GALNTL6: variants seen among roughly 807,000 people sequenced by gnomAD.
GALNTL6 encodes polypeptide N-acetylgalactosaminyltransferase like 6.
GALNTL6 carries 46 observed loss-of-function variants against 73.7 expected under a neutral mutation model. That is an observed-to-expected ratio of 0.62 (90% confidence interval 0.49 to 0.80). GALNTL6 has a LOEUF of 0.80. Among genes scored for constraint, GALNTL6 ranks in the 30% least tolerant of loss-of-function variants. The pLI is 0.00. For synonymous variants in GALNTL6, 259 were observed against 263.7 expected (o/e 0.98, Z 0.17); for missense variants, 604 against 755.0 (o/e 0.80, Z 2.34).
chr4:171,903,469 C>T (rs987376697), intron 2 of GALNTL6, among the ~76,000 whole-genome samples: 1 of 152,166 alleles, frequency 6.6e-6, no homozygotes, highest in African/African-American at 2.4e-5. Flanking sequence ...GAGATTAAAT[C>T]CCTCACGTGG....
intron 4 of GALNTL6, among the ~76,000 whole-genome samples, chr4:172,322,093 G>A (rs944303072): frequency 1.1e-4 from 16 of 152,070 alleles, no homozygotes; most frequent in Admixed American, 6.6e-4. Context: ...CACACTGCAC[G>A]CAGACAGCCC....
intron 5 of GALNTL6, among the ~76,000 whole-genome samples, chr4:172,621,774 T>C (rs183181088): frequency 2.2e-4 from 33 of 152,340 alleles, no homozygotes; most frequent in Admixed American, 1.5e-3. Flanking sequence ...CACAATAGCC[T>C]TGATATGCAA....
rs142279143 is a variant in GALNTL6 at position 172,240,454 on chromosome 4, A to G, written c.247+10690A>G. On this transcript the variant is annotated intron_variant, in intron 3 of 12. Transcript: ENST00000506823. ...CACCATGTTAGCCAGGGTGGTCTCC[A>G]TCTCCTGACCTCGTGATCCACCCAC... is the stretch of plus-strand genomic sequence containing the variant. 1.6e-4 allele frequency among the ~76,000 whole-genome samples: 24 copies of G among 151,782 alleles called. No individual in the cohort carries two copies. In the East Asian group the frequency reaches 4.7e-3, roughly 30 times the overall value.
At chr4:172,807,275 A>G (rs1167494524) in intron 5 of GALNTL6, among the ~76,000 whole-genome samples, 2 of 152,190 alleles carry the variant, frequency 1.3e-5, no homozygotes, top group African/African-American at 2.4e-5. Context: ...TTATATACTC[A>G]TATTTGTTAG....
At chr4:172,765,883 C>T (rs1216948818) in intron 5 of GALNTL6, among the ~76,000 whole-genome samples, 1 of 150,830 alleles carries the variant, frequency 6.6e-6, no homozygotes, top group Non-Finnish European at 1.5e-5. Flanking sequence ...AAAAAAAAAG[C>T]ATATAAAATA....
chr4:171,967,447 G>GTTTTTTTTTGTTTGTTTTTTTTTTT (rs1560863069), intron 2 of GALNTL6, among the ~76,000 whole-genome samples: 2 of 14,330 alleles, frequency 1.4e-4, no homozygotes, highest in Non-Finnish European at 8.7e-4. Context: ...CCCCCTATGG[G>GTTTTTTTTTGTTTGTTTTTTTTTTT]TTTTTTTTTT....
Position 172,472,519 on chromosome 4 carries a change from A to G in GALNTL6, c.553+123830A>G, listed in dbSNP as rs142887363. Reference sequence around the variant, plus strand: ...TATGTTTAAGTTTTAACCACCCCCAACCCATACCCCTGAATGTGACCTTAT... The same window carrying G: ...TATGTTTAAGTTTTAACCACCCCCAGCCCATACCCCTGAATGTGACCTTAT... On this transcript the variant is annotated intron_variant, in intron 5 of 12. Coordinates refer to ENST00000506823, the MANE Select transcript of GALNTL6 (RefSeq NM_001034845.3). 2.7e-3 allele frequency among the ~76,000 whole-genome samples: 407 copies of G among 152,158 alleles called. 2 individuals are homozygous for G. The highest frequency in any genetic ancestry group is 9.1e-3 in the African/African-American group (377 of 41,498).
chr4:171,994,366 T>C (rs1362553641), intron 2 of GALNTL6, among the ~76,000 whole-genome samples: 1 of 152,134 alleles, frequency 6.6e-6, no homozygotes, highest in Non-Finnish European at 1.5e-5. Flanking sequence ...ACCTGATAGA[T>C]ATTTAATGGT....
At chr4:173,038,219 G>A (rs1032874688) in intron 12 of GALNTL6, among the ~76,000 whole-genome samples, 2 of 152,208 alleles carry the variant, frequency 1.3e-5, no homozygotes, top group African/African-American at 4.8e-5. Flanking sequence ...TATTAGATCC[G>A]TGTAGCTTCA....
chr4:172,194,634 C>T (rs1735694378), intron 2 of GALNTL6, among the ~76,000 whole-genome samples: 1 of 152,188 alleles, frequency 6.6e-6, no homozygotes, highest in African/African-American at 2.4e-5. Flanking sequence ...GATTGGGGAA[C>T]TAACATTCAA....
intron 5 of GALNTL6, among the ~76,000 whole-genome samples, chr4:172,452,968 C>T (rs1420954601): frequency 1.3e-5 from 2 of 152,074 alleles, no homozygotes; most frequent in Non-Finnish European, 2.9e-5. Context: ...TTCGGGAGGC[C>T]GAAGTGAGTG....
At chr4:172,909,550 TATG>T (rs1388315968) in intron 8 of GALNTL6, among the ~76,000 whole-genome samples, 4 of 152,052 alleles carry the variant, frequency 2.6e-5, no homozygotes, top group South Asian at 2.1e-4. Context: ...GATTCTCAAT[TATG>T]ATAAGAAAAA....
In GALNTL6 at chr4:172,931,297, G is replaced by A. The variant is rs192116770; in HGVS notation, c.1149+29G>A. 945 of 1,270,162 alleles carry A rather than the reference G, an allele frequency of 7.4e-4. 6 individuals carry two copies. In the African/African-American group the frequency reaches 0.012, roughly 17 times the overall value. 78.7% of individuals were successfully genotyped at this position (1,270,162 alleles called of 1,614,324 possible). Reference sequence around the variant, plus strand: ...AGTAACTCAGCATCAGAACAGACTGGGGTTGATATGGCTTTCTGTAACCAG... The same window carrying A: ...AGTAACTCAGCATCAGAACAGACTGAGGTTGATATGGCTTTCTGTAACCAG... On this transcript the variant is annotated intron_variant, in intron 9 of 12. Transcript: ENST00000506823.
Position 172,145,894 on chromosome 4 carries a change from T to C in GALNTL6, c.139-83762T>C, listed in dbSNP as rs565365675. On this transcript the variant is annotated intron_variant, in intron 2 of 12. Transcript: ENST00000506823. ...GTCCCCATAATGACATGAACACCCA[T>C]TGAATAAATAAAATACAAATGTTTT... Among the ~76,000 whole-genome samples the C allele has an allele frequency of 2.7e-4, 41 of 152,222 alleles. 1 individual carries two copies. The South Asian group carries it at 8.5e-3, about 32-fold the overall frequency.
chr4:172,307,269 A>G (rs901523549), intron 3 of GALNTL6, among the ~76,000 whole-genome samples: 1 of 152,166 alleles, frequency 6.6e-6, no homozygotes, highest in African/African-American at 2.4e-5. Flanking sequence ...TTTGTCAGAC[A>G]CATAGTTTGT....
intron 2 of GALNTL6, among the ~76,000 whole-genome samples, chr4:171,995,060 T>C (rs1740447344): frequency 6.6e-6 from 1 of 151,876 alleles, no homozygotes; most frequent in African/African-American, 2.4e-5. Context: ...TCTTATAAAA[T>C]TCATAAAATT....
At chr4:172,912,070 A>G (rs1579643599) in intron 8 of GALNTL6, among the ~76,000 whole-genome samples, 1 of 152,140 alleles carries the variant, frequency 6.6e-6, no homozygotes, top group Non-Finnish European at 1.5e-5. Context: ...TAACACATCA[A>G]TCTATATAAA....
chr4:172,384,854 C>T (rs1743405023), intron 5 of GALNTL6, among the ~76,000 whole-genome samples: 1 of 151,916 alleles, frequency 6.6e-6, no homozygotes, highest in African/African-American at 2.4e-5. Context: ...TCAATTGTTC[C>T]TTCTGTTTCA....
At chr4:172,856,105 T>C (rs1288381417) in intron 7 of GALNTL6, among the ~76,000 whole-genome samples, 1 of 152,252 alleles carries the variant, frequency 6.6e-6, no homozygotes, top group Admixed American at 6.5e-5. Context: ...ATCAGTTGCA[T>C]TGTTATCCTC....
Sources: gnomAD v4.1 joint callset for allele counts (sites outside exome capture counted in the v4.1 genomes callset) on GRCh38, gnomAD v4.1.1 for gene constraint, MANE v1.5 for transcripts, NCBI Gene and HGNC (gene_info 2026-07-23, HGNC 2026-07-21) for gene names.